Variants in NEK11 observed in about 807,000 individuals in gnomAD.
NEK11 encodes serine/threonine-protein kinase Nek11.
In NEK11, 72 loss-of-function variants were observed where a neutral mutation model predicts 80.7. That is an observed-to-expected ratio of 0.89 (90% CI 0.74 to 1.08). NEK11 has a LOEUF of 1.08. Among genes scored for constraint, NEK11 ranks in the 50% least tolerant of loss-of-function variants. The pLI is 0.00. For missense variants in NEK11, 764 were observed against 763.6 expected (o/e 1.00, Z -0.01); for synonymous variants, 251 against 260.7 (o/e 0.96, Z 0.36).
intron 3 of NEK11, among the ~76,000 whole-genome samples, chr3:131,034,225 A>C (rs927868359): frequency 1.3e-5 from 2 of 152,230 alleles, no homozygotes; most frequent in Non-Finnish European, 2.9e-5. Flanking sequence ...TAAACTTGTA[A>C]TTAATCATGG....
chr3:131,115,948 TTCTTTCTTTCTTTC>T (rs1382157559), intron 5 of NEK11, among the ~76,000 whole-genome samples: 11 of 131,994 alleles, frequency 8.3e-5, no homozygotes, highest in Admixed American at 6.9e-4. Context: ...CTTTCTTTCT[TTCTTTCTTTCTTTC>T]TTTCTTTCTT....
intron 4 of NEK11, among the ~76,000 whole-genome samples, chr3:131,093,442 G>A (rs77371910): frequency 7.0e-6 from 1 of 143,738 alleles, no homozygotes; most frequent in African/African-American, 2.6e-5. Flanking sequence ...TTTTTTTTTT[G>A]AGACAGAGTC....
chr3:131,140,593 C>T (rs1337672812), intron 7 of NEK11, among the ~76,000 whole-genome samples: 1 of 152,166 alleles, frequency 6.6e-6, no homozygotes, highest in African/African-American at 2.4e-5. Context: ...AGGACTTCAT[C>T]AGGAGAACGG....
At chr3:131,159,421 A>G (rs1354847637) in intron 10 of NEK11, among the ~76,000 whole-genome samples, 1 of 152,236 alleles carries the variant, frequency 6.6e-6, no homozygotes, top group Non-Finnish European at 1.5e-5. Context: ...ACAGAAAAAT[A>G]GCTAGTATAG....
intron 4 of NEK11, among the ~76,000 whole-genome samples, chr3:131,084,830 G>A (rs1337400909): frequency 2.0e-5 from 3 of 152,140 alleles, no homozygotes; most frequent in Non-Finnish European, 4.4e-5. Flanking sequence ...ATTGATCCTC[G>A]GAAATGGCCC....
At chr3:131,204,174 G>C (rs995190405) in intron 14 of NEK11, among the ~76,000 whole-genome samples, 2 of 152,096 alleles carry the variant, frequency 1.3e-5, no homozygotes, top group Non-Finnish European at 2.9e-5. Flanking sequence ...CCAGATTCTG[G>C]ATGGCTGAAC....
intron 16 of NEK11, among the ~76,000 whole-genome samples, chr3:131,272,569 A>G (rs549089358): frequency 1.5e-5 from 2 of 135,932 alleles, no homozygotes; most frequent in South Asian, 4.8e-4. Context: ...TCCGCCTCCC[A>G]AGTTCAAGTG....
intron 17 of NEK11, among the ~76,000 whole-genome samples, chr3:131,307,261 C>A (rs80242565): frequency 9.9e-5 from 15 of 152,198 alleles, no homozygotes; most frequent in East Asian, 3.9e-4. Flanking sequence ...ACTCTTGTTG[C>A]CTTCAGTATC....
At chr3:131,284,064 AG>A (rs1355719907) in intron 17 of NEK11, among the ~76,000 whole-genome samples, 1 of 152,190 alleles carries the variant, frequency 6.6e-6, no homozygotes, top group Non-Finnish European at 1.5e-5. Flanking sequence ...GACACCTGTA[AG>A]TGTGATTTAC....
intron 16 of NEK11, among the ~76,000 whole-genome samples, chr3:131,250,151 T>C (rs571291095): frequency 6.6e-6 from 1 of 151,586 alleles, no homozygotes; most frequent in Non-Finnish European, 1.5e-5. Context: ...GTTTGGAAGA[T>C]AAAAGTGAGG....
chr3:131,233,034 A>AAGGTAGGT (rs879410651), intron 15 of NEK11, among the ~76,000 whole-genome samples: 1 of 140,512 alleles, frequency 7.1e-6, no homozygotes, highest in East Asian at 2.1e-4. Flanking sequence ...GGAAGGAAGG[A>AAGGTAGGT]AGGTTGGATG....
At chr3:131,131,296 G>A (rs2084434198) in intron 5 of NEK11, among the ~76,000 whole-genome samples, 1 of 152,088 alleles carries the variant, frequency 6.6e-6, no homozygotes, top group South Asian at 2.1e-4. Context: ...ATAGATATTT[G>A]GTGCAATTTC....
chr3:131,194,075 G>A (rs1352797270), intron 14 of NEK11, among the ~76,000 whole-genome samples: 3 of 152,180 alleles, frequency 2.0e-5, no homozygotes, highest in Admixed American at 6.5e-5. Context: ...GGGAGGTATG[G>A]TGACAGTGAA....
chr3:131,260,589 A>C (rs541816848), intron 16 of NEK11, among the ~76,000 whole-genome samples: 1 of 152,320 alleles, frequency 6.6e-6, no homozygotes, highest in East Asian at 1.9e-4. Context: ...GAGTTGCAAC[A>C]GAAATTCTAT....
At chr3:131,237,836 T>C (rs924468626) in intron 15 of NEK11, among the ~76,000 whole-genome samples, 6 of 152,210 alleles carry the variant, frequency 3.9e-5, no homozygotes, top group African/African-American at 1.4e-4. Flanking sequence ...CCTATTGGCT[T>C]GACCTTTAAA....
chr3:131,174,996 A>C lies in NEK11; in HGVS notation c.1399+4109A>C, dbSNP rs965405681. On this transcript the variant is annotated intron_variant, in intron 14 of 17. Transcript: ENST00000383366. ...TGAGCCCAATGCTCAGAGATAGCTC[A>C]GACCTGTAGGTGGTTGTGCTTTGCT... The C allele has an allele frequency of 3.7e-6, 5 of 1,352,466 alleles. No homozygotes were observed. The East Asian group carries it at 1.4e-4, about 38-fold the overall frequency. The allele number at this position is 1,352,466 out of a possible 1,614,324, so 83.8% of individuals were successfully genotyped here.
chr3:131,128,736 T>C (rs1443913231), intron 5 of NEK11, among the ~76,000 whole-genome samples: 1 of 152,234 alleles, frequency 6.6e-6, no homozygotes, highest in East Asian at 1.9e-4. Flanking sequence ...TGCCAAACTG[T>C]CTTCCAAAGT....
At chr3:131,090,459 A>T (rs1446926973) in intron 4 of NEK11, among the ~76,000 whole-genome samples, 1 of 152,230 alleles carries the variant, frequency 6.6e-6, no homozygotes, top group Admixed American at 6.5e-5. Context: ...ATTTTTCATG[A>T]AAGTTATTTT....
Position 131,183,318 on chromosome 3 carries a change from G to C in NEK11, c.1399+12431G>C, listed in dbSNP as rs945787409. ...TTTAAAGTTCTGGGATATGTGTGCA[G>C]GATGTGCAGGTTTGTTACATAAGTA... On this transcript the variant is annotated intron_variant, in intron 14 of 17. Transcript: ENST00000383366. 2.6e-5 allele frequency among the ~76,000 whole-genome samples: 4 copies of C among 152,146 alleles called. No homozygotes were observed. In the East Asian group the frequency reaches 7.7e-4, roughly 29 times the overall value.
Sources: gnomAD v4.1 joint callset for allele counts (sites outside exome capture counted in the v4.1 genomes callset) on GRCh38, gnomAD v4.1.1 for gene constraint, MANE v1.5 for transcripts, NCBI Gene and HGNC (gene_info 2026-07-23, HGNC 2026-07-21) for gene names.